Variants in KCNT2 observed in about 807,000 individuals in gnomAD.
The protein encoded by KCNT2 is potassium channel subfamily T member 2.
A neutral mutation model predicts 153.8 loss-of-function variants in KCNT2; 67 were observed. That is an observed-to-expected ratio of 0.44 (90% CI 0.36 to 0.53). The LOEUF is 0.53. Among genes scored for constraint, KCNT2 ranks in the 20% least tolerant of loss-of-function variants. The pLI is 0.00. For synonymous variants in KCNT2, 500 were observed against 458.8 expected (o/e 1.09, Z -1.15); for missense variants, 975 against 1,354.8 (o/e 0.72, Z 4.40).
intron 19 of KCNT2, 76 bp from the exon 20 acceptor site, chr1:196,319,631 T>C: frequency 2.2e-6 from 2 of 900,536 alleles, no homozygotes; most frequent in Non-Finnish European, 1.7e-6. Flanking sequence ...GGAAGTAAGT[T>C]GACTTAGTTT....
At chr1:196,521,963 C>T (rs984590843) in intron 1 of KCNT2, among the ~76,000 whole-genome samples, 13 of 151,896 alleles carry the variant, frequency 8.6e-5, no homozygotes, top group African/African-American at 3.1e-4. Flanking sequence ...TTTTAAAAAG[C>T]ACATTAAATT....
chr1:196,327,350 C>T (rs1233707485), intron 18 of KCNT2, among the ~76,000 whole-genome samples: 1 of 151,482 alleles, frequency 6.6e-6, no homozygotes, highest in African/African-American at 2.4e-5. Flanking sequence ...CCCTAACTGT[C>T]TACATGCATA....
chr1:196,259,969 T>A (rs1309731581), intron 25 of KCNT2, among the ~76,000 whole-genome samples: 1 of 151,854 alleles, frequency 6.6e-6, no homozygotes, highest in East Asian at 1.9e-4. Flanking sequence ...TTCACTTCTG[T>A]GGAAGTAAAA....
At chr1:196,290,742 A>G (rs1356246150) in intron 22 of KCNT2, among the ~76,000 whole-genome samples, 1 of 152,042 alleles carries the variant, frequency 6.6e-6, no homozygotes, top group Non-Finnish European at 1.5e-5. Context: ...TTTTTAATCA[A>G]TATATTCACC....
At chr1:196,487,183 T>C (rs1408283230) in intron 3 of KCNT2, among the ~76,000 whole-genome samples, 1 of 151,932 alleles carries the variant, frequency 6.6e-6, no homozygotes, top group Admixed American at 6.6e-5. Context: ...TCTCAGTCTT[T>C]GTGTCAAGGT....
intron 16 of KCNT2, 115 bp from the exon 17 acceptor site, chr1:196,334,175 G>C: frequency 7.4e-5 from 43 of 580,272 alleles, no homozygotes; most frequent in Middle Eastern, 4.6e-4. Context: ...TATAGAGAGA[G>C]TATATATTTA....
chr1:196,355,542 T>TA (rs1284373504), intron 14 of KCNT2, among the ~76,000 whole-genome samples: 2 of 151,648 alleles, frequency 1.3e-5, no homozygotes, highest in South Asian at 2.1e-4. Context: ...CAATGAGAAA[T>TA]AAAAAAAGGT....
chr1:196,321,187 C>T (rs1297609893), intron 19 of KCNT2, among the ~76,000 whole-genome samples: 2 of 151,778 alleles, frequency 1.3e-5, no homozygotes, highest in East Asian at 3.9e-4. Context: ...TACTGTCCTG[C>T]TTCTTAAAAT....
intron 1 of KCNT2, among the ~76,000 whole-genome samples, chr1:196,500,410 G>A (rs181991477): frequency 1.3e-5 from 2 of 152,128 alleles, no homozygotes. Context: ...TTGGAACATT[G>A]GTCTTTCTAT....
At chr1:196,438,695 T>C (rs1048777350) in intron 8 of KCNT2, among the ~76,000 whole-genome samples, 1 of 151,900 alleles carries the variant, frequency 6.6e-6, no homozygotes, top group Non-Finnish European at 1.5e-5. Flanking sequence ...TGACTTGTTT[T>C]AAAGGATTAC....
At position 196,274,977 on chromosome 1, in the gene KCNT2, C is replaced by A. The variant is rs185097450; in HGVS notation, c.2910+5883G>T. Among the ~76,000 whole-genome samples, 68 of 151,768 alleles carry A rather than the reference C, an allele frequency of 4.5e-4. 1 individual carries two copies. In the East Asian group the frequency reaches 0.013, roughly 28 times the overall value. ...ATATGCTATATAGTAGCTAATACCC[C>A]CAGTGGAACCTAGGTAGCCTTCATT... On this transcript the variant is annotated intron_variant, in intron 25 of 27. Transcript: ENST00000294725.
At chr1:196,381,050 A>G (rs1234018887) in intron 13 of KCNT2, among the ~76,000 whole-genome samples, 1 of 152,246 alleles carries the variant, frequency 6.6e-6, no homozygotes, top group Non-Finnish European at 1.5e-5. Flanking sequence ...TATTAAATGC[A>G]TAGAATCTAA....
chr1:196,236,028 A>C lies in KCNT2; in HGVS notation c.3254T>G (p.Ile1085Ser). 1 of 1,604,934 alleles carries C rather than the reference A, an allele frequency of 6.2e-7. No homozygotes were observed. Among genetic ancestry groups the C allele is most frequent in the Non-Finnish European group, 8.5e-7 (1 of 1,172,574 alleles). ...DHQSTLSYIL[I>S]NPSPDTRIEL... is the part of the protein sequence containing the mutation. Reference sequence around the variant, plus strand: ...TATTCTGGTATCTGGAGATGGGTTAATCAGGATGTAGGAGAGGGTACTTTG... The same window carrying C: ...TATTCTGGTATCTGGAGATGGGTTACTCAGGATGTAGGAGAGGGTACTTTG... The change falls in exon 27 of 28, where the codon ATT becomes AGT. Residue 1085 changes from isoleucine to serine, a missense_variant. Transcript: ENST00000294725.
At chr1:196,233,015 A>G (rs1654093200) in intron 27 of KCNT2, among the ~76,000 whole-genome samples, 1 of 151,400 alleles carries the variant, frequency 6.6e-6, no homozygotes, top group Non-Finnish European at 1.5e-5. Context: ...AAAATTATCT[A>G]TACTTATGGA....
At chr1:196,265,704 A>T (rs531446123) in intron 25 of KCNT2, among the ~76,000 whole-genome samples, 4 of 152,292 alleles carry the variant, frequency 2.6e-5, no homozygotes, top group South Asian at 2.1e-4. Context: ...TCCTAAAAGG[A>T]GATAGCTCAT....
chr1:196,437,279 TA>T (rs1293554252), intron 8 of KCNT2, among the ~76,000 whole-genome samples: 2 of 79,648 alleles, frequency 2.5e-5, no homozygotes, highest in Non-Finnish European at 6.0e-5. Flanking sequence ...ATTATATATA[TA>T]AAATATATAT....
intron 21 of KCNT2, among the ~76,000 whole-genome samples, chr1:196,309,888 T>C (rs1661999162): frequency 6.6e-6 from 1 of 151,988 alleles, no homozygotes; most frequent in African/African-American, 2.4e-5. Context: ...AAAAAGAAGA[T>C]ATAGTTTGTT....
chr1:196,288,719 G>T (rs1202704666), intron 22 of KCNT2, among the ~76,000 whole-genome samples: 1 of 152,082 alleles, frequency 6.6e-6, no homozygotes, highest in Non-Finnish European at 1.5e-5. Context: ...ATGATACACA[G>T]GTCTCTAGAT....
At chr1:196,329,633 A>G (rs1392351832) in intron 18 of KCNT2, among the ~76,000 whole-genome samples, 3 of 151,550 alleles carry the variant, frequency 2.0e-5, no homozygotes, top group Non-Finnish European at 4.4e-5. Flanking sequence ...CAACAATATT[A>G]TAAATAATAT....
Sources: allele counts gnomAD v4.1 joint callset (sites outside exome capture counted in the v4.1 genomes callset), GRCh38; gene constraint gnomAD v4.1.1; transcripts MANE v1.5; gene names NCBI Gene and HGNC (gene_info 2026-07-23, HGNC 2026-07-21).